RORA: variants seen among roughly 807,000 people sequenced by gnomAD.
RORA encodes nuclear receptor ROR-alpha.
A neutral mutation model predicts 69.5 loss-of-function variants in RORA; 7 were observed. The ratio of observed to expected loss-of-function variants is 0.10; its 90% CI spans 0.06 to 0.19. The LOEUF (loss-of-function observed/expected upper bound fraction) is 0.19. Ranked by LOEUF, RORA falls within the 10% of genes least tolerant of loss-of-function variation. The pLI is 1.00. For missense variants in RORA, 457 were observed against 663.0 expected (o/e 0.69, Z 3.41); for synonymous variants, 261 against 240.8 (o/e 1.08, Z -0.78).
chr15:60,778,566 G>A (rs2072207792), intron 1 of RORA, among the ~76,000 whole-genome samples: 3 of 152,168 alleles, frequency 2.0e-5, no homozygotes, highest in African/African-American at 2.4e-5. Context: ...AATGCCTTAT[G>A]TACAAATTTT....
intron 1 of RORA, among the ~76,000 whole-genome samples, chr15:60,942,422 G>A (rs1204428125): frequency 2.0e-5 from 3 of 152,162 alleles, no homozygotes; most frequent in Non-Finnish European, 4.4e-5. Flanking sequence ...TCCGTTTTAC[G>A]TTTCTATTCA....
chr15:60,894,228 G>A (rs1349994035), intron 1 of RORA, among the ~76,000 whole-genome samples: 1 of 152,148 alleles, frequency 6.6e-6, no homozygotes, highest in East Asian at 1.9e-4. Flanking sequence ...TTTTTAACAC[G>A]GCAGCTCCCT....
intron 1 of RORA, among the ~76,000 whole-genome samples, chr15:60,818,021 G>A (rs1436290796): frequency 2.6e-5 from 4 of 152,016 alleles, no homozygotes; most frequent in East Asian, 1.9e-4. Context: ...TGAGTAATAC[G>A]GATGAAGAAA....
chr15:60,819,658 T>G (rs2072861837), intron 1 of RORA, among the ~76,000 whole-genome samples: 1 of 152,090 alleles, frequency 6.6e-6, no homozygotes, highest in Admixed American at 6.5e-5. Context: ...CTTCCTCCTT[T>G]TTCCTCGGAC....
intron 1 of RORA, among the ~76,000 whole-genome samples, chr15:61,107,708 G>T (rs561662399): frequency 6.6e-6 from 1 of 151,738 alleles, no homozygotes; most frequent in South Asian, 2.1e-4. Context: ...GGCTCTTTTG[G>T]CCCTTGAATA....
intron 2 of RORA, among the ~76,000 whole-genome samples, chr15:60,676,674 C>G (rs539992010): frequency 4.7e-4 from 71 of 152,330 alleles, no homozygotes; most frequent in Non-Finnish European, 7.1e-4. Context: ...GCCAGTATAG[C>G]TGATGAAATT....
chr15:61,075,579 T>G (rs541716907), intron 1 of RORA, among the ~76,000 whole-genome samples: 2 of 152,142 alleles, frequency 1.3e-5, no homozygotes, highest in African/African-American at 4.8e-5. Context: ...CCAACCCCTA[T>G]CTCAACTGAG....
At chr15:61,142,556 G>A (rs35749644) in intron 1 of RORA, among the ~76,000 whole-genome samples, 97,132 of 151,418 alleles carry the variant, frequency 0.64, 33,010 homozygotes, top group Non-Finnish European at 0.77. Context: ...AAAATAACCA[G>A]AAAGAAAAGT....
intron 2 of RORA, among the ~76,000 whole-genome samples, chr15:60,560,845 A>C (rs1196509038): frequency 6.6e-6 from 1 of 152,230 alleles, no homozygotes. Context: ...AAAAATTAAA[A>C]GTTACACCAG....
At chr15:60,944,399 T>C (rs1241649380) in intron 1 of RORA, among the ~76,000 whole-genome samples, 1 of 151,852 alleles carries the variant, frequency 6.6e-6, no homozygotes, top group Non-Finnish European at 1.5e-5. Flanking sequence ...TTACAGGTGG[T>C]AAAAAACAGA....
chr15:60,866,750 G>A (rs1567219182), intron 1 of RORA, among the ~76,000 whole-genome samples: 1 of 152,144 alleles, frequency 6.6e-6, no homozygotes, highest in Non-Finnish European at 1.5e-5. Context: ...TGGGAGGGTG[G>A]CATGCCCATC....
chr15:61,130,608 A>G (rs2079182058), intron 1 of RORA, among the ~76,000 whole-genome samples: 1 of 152,200 alleles, frequency 6.6e-6, no homozygotes, highest in African/African-American at 2.4e-5. Flanking sequence ...TTTGGGGCTT[A>G]ATTTCCTCCT....
chr15:60,927,501 G>T (rs1566912290), intron 1 of RORA, among the ~76,000 whole-genome samples: 1 of 152,182 alleles, frequency 6.6e-6, no homozygotes, highest in East Asian at 1.9e-4. Flanking sequence ...GTCTGACTGT[G>T]GTGGCTCATG....
Position 60,915,391 on chromosome 15 carries a change from G to C in RORA, c.167-236705C>G, listed in dbSNP as rs76858695. Among the ~76,000 whole-genome samples, 256 of 152,290 alleles carry C rather than the reference G, an allele frequency of 1.7e-3. 1 individual carries two copies. Among genetic ancestry groups the C allele is most frequent in the South Asian group, 4.6e-3 (22 of 4,832 alleles). ...TTCTCAGGCAGCACTGATTCCACTGGGGGGGCACAGGCCCCAGTGCAGAGG... is the reference window on the plus strand; with the variant it reads ...TTCTCAGGCAGCACTGATTCCACTGCGGGGGCACAGGCCCCAGTGCAGAGG... On this transcript the variant is annotated intron_variant, in intron 1 of 10. Transcript: ENST00000335670.
intron 2 of RORA, among the ~76,000 whole-genome samples, chr15:60,574,093 C>T (rs995285959): frequency 6.6e-6 from 1 of 152,124 alleles, no homozygotes; most frequent in South Asian, 2.1e-4. Flanking sequence ...TCTGAGACTC[C>T]GGTGGTGCTG....
chr15:61,031,647 G>GA (rs1454869675), intron 1 of RORA, among the ~76,000 whole-genome samples: 2 of 152,068 alleles, frequency 1.3e-5, no homozygotes, highest in African/African-American at 2.4e-5. Context: ...CTGTTCAGTG[G>GA]AAAAAAATAT....
At chr15:60,872,491 G>A (rs942892780) in intron 1 of RORA, among the ~76,000 whole-genome samples, 3 of 152,054 alleles carry the variant, frequency 2.0e-5, no homozygotes, top group African/African-American at 7.2e-5. Context: ...GGTCTCTCAG[G>A]GTGCACAGAA....
In RORA at chr15:61,134,667, A is replaced by G. The variant is rs116459892; in HGVS notation, c.166+94386T>C. Among the ~76,000 whole-genome samples, 879 of 152,350 alleles carry G rather than the reference A, an allele frequency of 5.8e-3. 13 individuals are homozygous for G. Among genetic ancestry groups the G allele is most frequent in the African/African-American group, 0.02 (823 of 41,574 alleles). On this transcript the variant is annotated intron_variant, in intron 1 of 10. Coordinates refer to ENST00000335670, the MANE Select transcript of RORA (RefSeq NM_134261.3). Reference sequence around the variant, plus strand: ...AACACAAATGTGCTTATAAAATCACATTCTAGATGATGAAATGCACACCAC... The same window carrying G: ...AACACAAATGTGCTTATAAAATCACGTTCTAGATGATGAAATGCACACCAC...
chr15:60,592,146 G>A (rs922730636), intron 2 of RORA, among the ~76,000 whole-genome samples: 6 of 151,956 alleles, frequency 3.9e-5, no homozygotes, highest in Admixed American at 2.6e-4. Flanking sequence ...GAGCCGGAGG[G>A]GGCAGCAGAG....
Sources: gnomAD v4.1 joint callset for allele counts (sites outside exome capture counted in the v4.1 genomes callset) on GRCh38, gnomAD v4.1.1 for gene constraint, MANE v1.5 for transcripts, NCBI Gene and HGNC (gene_info 2026-07-23, HGNC 2026-07-21) for gene names.